The following NKAIN2 variants were observed in gnomAD, a reference collection of about 807,000 sequenced individuals.
NKAIN2 encodes the protein sodium/potassium transporting ATPase interacting 2.
Under a neutral mutation model 32.6 loss-of-function variants are expected in NKAIN2, and 14 were observed. The ratio of observed to expected loss-of-function variants is 0.43; its 90% CI spans 0.28 to 0.67. The LOEUF is 0.67. Ranked by LOEUF, NKAIN2 falls within the 30% of genes least tolerant of loss-of-function variation. The probability of loss-of-function intolerance (pLI) is 0.17; values close to 1 mark genes in which losing one functional copy is unlikely to be tolerated. For synonymous variants in NKAIN2, 80 were observed against 87.2 expected (o/e 0.92, Z 0.46); for missense variants, 198 against 258.3 (o/e 0.77, Z 1.60).
intron 1 of NKAIN2, among the ~76,000 whole-genome samples, chr6:124,177,143 A>C (rs1434974243): frequency 6.6e-6 from 1 of 152,212 alleles, no homozygotes; most frequent in Non-Finnish European, 1.5e-5. Context: ...TCCAAAATGC[A>C]AAAGTATTTT....
rs1364164803 is a variant in NKAIN2, at chr6:124,283,074, G to A, written c.124G>A (p.Val42Ile). 6.2e-7 allele frequency: 1 copy of A among 1,611,234 alleles called. No individual in the cohort carries two copies. Among genetic ancestry groups the A allele is most frequent in the South Asian group, 1.1e-5 (1 of 91,022 alleles). The change falls in exon 2 of 7, where the codon GTA (valine) becomes ATA (isoleucine). Residue 42 changes from valine to isoleucine, a missense_variant. By Grantham distance (29) the Val-to-Ile change is conservative. Coordinates refer to ENST00000368417, the MANE Select transcript of NKAIN2 (RefSeq NM_001040214.3). Reference protein sequence around the residue: ...YQWAPILANFVHIIIVILGLF... With the variant: ...YQWAPILANFIHIIIVILGLF... ...GTGGGCACCTATCCTGGCAAATTTT[G>A]TACATATTATTATCGTCATTCTTGG...
intron 3 of NKAIN2, among the ~76,000 whole-genome samples, chr6:124,552,832 C>T (rs546201004): frequency 1.3e-5 from 2 of 152,150 alleles, no homozygotes; most frequent in Non-Finnish European, 2.9e-5. Flanking sequence ...TAATTGGTCT[C>T]CAAACTAGTA....
Position 124,807,525 on chromosome 6 carries a change from C to G in NKAIN2, c.536-10862C>G, listed in dbSNP as rs570162592. Among the ~76,000 whole-genome samples the G allele has an allele frequency of 2.6e-4, 39 of 149,594 alleles. 1 individual carries two copies. In the East Asian group the frequency reaches 7.6e-3, roughly 29 times the overall value. Reference sequence around the variant, plus strand: ...GGAAATTTATAGCACTAAATGCCCACAAGAGAAAGCAGGAAAGATCCAAAA... The same window carrying G: ...GGAAATTTATAGCACTAAATGCCCAGAAGAGAAAGCAGGAAAGATCCAAAA... On this transcript the variant is annotated intron_variant, in intron 5 of 6. Coordinates refer to ENST00000368417, the MANE Select transcript of NKAIN2 (RefSeq NM_001040214.3).
At chr6:124,564,488 C>A (rs962401590) in intron 3 of NKAIN2, among the ~76,000 whole-genome samples, 8 of 152,124 alleles carry the variant, frequency 5.3e-5, no homozygotes, top group African/African-American at 1.9e-4. Context: ...CTGGCCAACC[C>A]CCCCCTCCCC....
At chr6:123,850,695 T>G (rs779503127) in intron 1 of NKAIN2, among the ~76,000 whole-genome samples, 2 of 152,232 alleles carry the variant, frequency 1.3e-5, no homozygotes, top group Non-Finnish European at 2.9e-5. Context: ...ATTGAGCGAA[T>G]GAACGTATGC....
chr6:124,222,261 A>G (rs1287985565), intron 1 of NKAIN2, among the ~76,000 whole-genome samples: 1 of 152,204 alleles, frequency 6.6e-6, no homozygotes, highest in Non-Finnish European at 1.5e-5. Flanking sequence ...TGTTGCCCTC[A>G]CAGAGATTAC....
intron 1 of NKAIN2, among the ~76,000 whole-genome samples, chr6:124,277,541 C>A (rs1467990195): frequency 6.6e-6 from 1 of 151,960 alleles, no homozygotes; most frequent in Non-Finnish European, 1.5e-5. Context: ...CTGCAAACAA[C>A]TGAAATGAAA....
chr6:124,429,833 C>T (rs1217761250), intron 3 of NKAIN2, among the ~76,000 whole-genome samples: 1 of 152,112 alleles, frequency 6.6e-6, no homozygotes, highest in Non-Finnish European at 1.5e-5. Context: ...TGGGCCTATC[C>T]TGAATTGCTG....
At position 124,365,696 on chromosome 6, in the gene NKAIN2, A is replaced by G. The variant is rs1363836302; in HGVS notation, c.273+10349A>G. 5.9e-5 allele frequency among the ~76,000 whole-genome samples: 9 copies of G among 152,156 alleles called. No individual in the cohort carries two copies. The East Asian group carries it at 1.2e-3, about 20-fold the overall frequency. On this transcript the variant is annotated intron_variant, in intron 3 of 6. Coordinates refer to ENST00000368417, the MANE Select transcript of NKAIN2 (RefSeq NM_001040214.3). ...AAAAAACTTGATATAATTGACATAT[A>G]GAATACACTCCACCAAACAAAAGGG...
intron 2 of NKAIN2, among the ~76,000 whole-genome samples, chr6:124,316,154 A>T (rs1472084000): frequency 6.6e-6 from 1 of 152,126 alleles, no homozygotes; most frequent in Non-Finnish European, 1.5e-5. Flanking sequence ...TAAATGATAC[A>T]TGTTTAAGGT....
At chr6:124,491,808 A>G (rs927963679) in intron 3 of NKAIN2, among the ~76,000 whole-genome samples, 3 of 151,976 alleles carry the variant, frequency 2.0e-5, no homozygotes, top group Non-Finnish European at 4.4e-5. Flanking sequence ...GTGACAGCCT[A>G]TGAAATTCAA....
chr6:124,319,637 C>T (rs9375318), intron 2 of NKAIN2, among the ~76,000 whole-genome samples: 19,412 of 152,014 alleles, frequency 0.13, 1,518 homozygotes, highest in East Asian at 0.24. Flanking sequence ...TCATGACCTC[C>T]AGTAACTGCG....
At chr6:124,224,681 T>TA (rs1792013970) in intron 1 of NKAIN2, among the ~76,000 whole-genome samples, 3 of 152,108 alleles carry the variant, frequency 2.0e-5, no homozygotes. Context: ...TCCTTTGTCA[T>TA]AAAAAGGTTT....
rs557644571 is a variant in NKAIN2, at chr6:123,809,484, C to G, written c.54+5230C>G. ...AATTATGAAGGAACAAGATAAACTT[C>G]TATATCATTTTCTTTCTCCAGGTTA... On this transcript the variant is annotated intron_variant, in intron 1 of 6. Coordinates refer to ENST00000368417, the MANE Select transcript of NKAIN2 (RefSeq NM_001040214.3). Among the ~76,000 whole-genome samples the G allele has an allele frequency of 3.3e-4, 50 of 152,224 alleles. No individual in the cohort carries two copies. The South Asian group carries it at 1.0e-2, about 30-fold the overall frequency.
At chr6:124,424,973 G>T (rs1404614662) in intron 3 of NKAIN2, among the ~76,000 whole-genome samples, 2 of 151,988 alleles carry the variant, frequency 1.3e-5, no homozygotes, top group African/African-American at 4.8e-5. Context: ...ATTTTTTGAG[G>T]AACCTCCAAA....
At chr6:124,012,076 G>A (rs1466946617) in intron 1 of NKAIN2, among the ~76,000 whole-genome samples, 2 of 151,932 alleles carry the variant, frequency 1.3e-5, no homozygotes, top group African/African-American at 2.4e-5. Flanking sequence ...GAAATAAAAT[G>A]CATATAATTA....
At chr6:124,391,746 G>T (rs934396100) in intron 3 of NKAIN2, among the ~76,000 whole-genome samples, 3 of 152,112 alleles carry the variant, frequency 2.0e-5, no homozygotes, top group Non-Finnish European at 2.9e-5. Context: ...AATGTGAAAA[G>T]ACCGAGTCTA....
chr6:124,482,307 G>GT (rs1340706892), intron 3 of NKAIN2, among the ~76,000 whole-genome samples: 3 of 152,042 alleles, frequency 2.0e-5, no homozygotes, highest in Admixed American at 6.6e-5. Context: ...TTTTATCTTG[G>GT]TTCTAAAAAC....
chr6:124,704,940 T>C (rs983762816), intron 4 of NKAIN2, among the ~76,000 whole-genome samples: 2 of 152,008 alleles, frequency 1.3e-5, no homozygotes, highest in African/African-American at 4.8e-5. Context: ...AAACTTTCTG[T>C]GAATATATTT....
Sources: allele counts gnomAD v4.1 joint callset (sites outside exome capture counted in the v4.1 genomes callset), GRCh38; gene constraint gnomAD v4.1.1; transcripts MANE v1.5; gene names NCBI Gene and HGNC (gene_info 2026-07-23, HGNC 2026-07-21).